Variants in GDAP1 observed in about 807,000 individuals in gnomAD.
GDAP1 encodes the protein ganglioside-induced differentiation-associated protein 1.
Under a neutral mutation model 40.1 loss-of-function variants are expected in GDAP1, and 34 were observed. That is an observed-to-expected ratio of 0.85 (90% CI 0.64 to 1.13). The LOEUF (loss-of-function observed/expected upper bound fraction) is 1.13. Among genes scored for constraint, GDAP1 ranks in the 50% most tolerant of loss-of-function variants. The probability of loss-of-function intolerance (pLI) is 0.00; values close to 1 mark genes in which losing one functional copy is unlikely to be tolerated. For synonymous variants in GDAP1, 170 were observed against 157.4 expected, an observed-to-expected ratio of 1.08 and a Z score of -0.60; for missense variants, 374 against 433.7, an observed-to-expected ratio of 0.86 and a Z score of 1.22.
chr8:74,431,513 G>C (rs1333597954), intron 2 of GDAP1, among the ~76,000 whole-genome samples: 1 of 151,424 alleles, frequency 6.6e-6, no homozygotes, highest in Non-Finnish European at 1.5e-5. Flanking sequence ...ACAGAGTCTC[G>C]CTCTGTCACC....
At chr8:74,384,974 TTTG>T (rs1586817181) in intron 2 of GDAP1, among the ~76,000 whole-genome samples, 2 of 152,140 alleles carry the variant, frequency 1.3e-5, no homozygotes, top group East Asian at 3.9e-4. Context: ...AGTTGAATGC[TTTG>T]CTAGCAAAGC....
chr8:74,469,718 G>A (rs1806522154), intron 2 of GDAP1, among the ~76,000 whole-genome samples: 1 of 150,636 alleles, frequency 6.6e-6, no homozygotes, highest in African/African-American at 2.4e-5. Context: ...GCTCATGCTT[G>A]TAATCCCAGC....
At chr8:74,354,386 C>T (rs576731784) in intron 2 of GDAP1, among the ~76,000 whole-genome samples, 4 of 152,112 alleles carry the variant, frequency 2.6e-5, no homozygotes, top group Admixed American at 6.5e-5. Context: ...ACAGGGATCC[C>T]TTGTAATGTT....
chr8:74,459,370 A>G (rs994106484), intron 2 of GDAP1, among the ~76,000 whole-genome samples: 1 of 152,196 alleles, frequency 6.6e-6, no homozygotes, highest in Non-Finnish European at 1.5e-5. Flanking sequence ...GCATCTCTCA[A>G]TCTTGAGTGT....
At position 74,364,107 on chromosome 8, in the gene GDAP1, C is replaced by T. The variant is rs150989205; in HGVS notation, c.817C>T (p.Arg273Ter). Residue 273 changes from arginine (R) to a stop codon, truncating the protein, a stop_gained, in exon 6 of 6, where the codon CGA becomes TGA. Coordinates refer to ENST00000220822, the MANE Select transcript of GDAP1 (RefSeq NM_018972.4). LOFTEE classifies it high-confidence loss of function. ...AAGGAGAAACTGGGGAAACGGAAAG[C>T]GACCAAACTTGGAAACCTATTACGA... is the stretch of plus-strand genomic sequence containing the variant. ...FARRNWGNGK[R>*]PNLETYYERV... 1.1e-5 allele frequency: 18 copies of T among 1,613,970 alleles called. No individual in the cohort carries two copies. The highest frequency in any genetic ancestry group is 2.7e-5 in the African/African-American group (2 of 74,864).
intron 2 of GDAP1, among the ~76,000 whole-genome samples, chr8:74,483,029 C>T (rs183828850): frequency 9.2e-5 from 14 of 152,194 alleles, no homozygotes; most frequent in African/African-American, 3.4e-4. Context: ...GCTGCAAGCC[C>T]TGGCAGCTTA....
chr8:74,400,943 C>A (rs1810320560), intron 2 of GDAP1, among the ~76,000 whole-genome samples: 2 of 149,952 alleles, frequency 1.3e-5, no homozygotes, highest in South Asian at 4.1e-4. Context: ...GATGGGCTTC[C>A]CTTTGTGGGT....
chr8:74,358,950 T>C (rs1419714614), intron 2 of GDAP1, among the ~76,000 whole-genome samples: 1 of 152,240 alleles, frequency 6.6e-6, no homozygotes, highest in Admixed American at 6.5e-5. Flanking sequence ...ATTGCAGATA[T>C]CTTAATATTT....
intron 2 of GDAP1, among the ~76,000 whole-genome samples, chr8:74,438,538 G>A (rs952893458): frequency 6.6e-6 from 1 of 152,192 alleles, no homozygotes; most frequent in Non-Finnish European, 1.5e-5. Flanking sequence ...TATATTGGAC[G>A]TAAGGCTTTC....
chr8:74,361,943 C>T lies in GDAP1; in HGVS notation c.544C>T (p.Gln182Ter), dbSNP rs779894269. 1.2e-6 allele frequency: 2 copies of T among 1,607,220 alleles called. No individual in the cohort carries two copies. The highest frequency in any genetic ancestry group is 1.3e-5 in the African/African-American group (1 of 74,876). Residue 182 changes from glutamine (Q) to a stop codon, truncating the protein, a stop_gained, in exon 4 of 6, where the codon CAA (glutamine) becomes TAA (stop). Coordinates refer to ENST00000220822, the MANE Select transcript of GDAP1 (RefSeq NM_018972.4). LOFTEE classifies it high-confidence loss of function. ...ACTTGCTGAAGAAAACCCAGATTTA[C>T]AAGAAGCATACATTGCAAAACAGAA... The part of the protein sequence containing the change: ...KKLAEENPDL[Q>*]EAYIAKQKRL...
chr8:74,374,824 C>G (rs1809823885), intron 2 of GDAP1, among the ~76,000 whole-genome samples: 1 of 151,930 alleles, frequency 6.6e-6, no homozygotes, highest in Admixed American at 6.6e-5. Flanking sequence ...AGCCATATAT[C>G]CACTAAACAA....
intron 2 of GDAP1, among the ~76,000 whole-genome samples, chr8:74,467,707 A>G (rs1267968964): frequency 6.6e-6 from 1 of 152,176 alleles, no homozygotes; most frequent in Non-Finnish European, 1.5e-5. Context: ...TGAATAGCCA[A>G]AGCAGGGTGT....
At chr8:74,483,216 A>C (rs1248901714) in intron 2 of GDAP1, among the ~76,000 whole-genome samples, 1 of 152,182 alleles carries the variant, frequency 6.6e-6, no homozygotes, top group African/African-American at 2.4e-5. Flanking sequence ...CTTGAGGAAT[A>C]GAAAGAGTTA....
intron 2 of GDAP1, among the ~76,000 whole-genome samples, chr8:74,415,705 T>C (rs762934930): frequency 6.7e-6 from 1 of 149,906 alleles, no homozygotes; most frequent in Non-Finnish European, 1.5e-5. Context: ...AGGGGTGTGC[T>C]CTGCATGCAC....
chr8:74,383,555 TG>T (rs1428988598), intron 2 of GDAP1, among the ~76,000 whole-genome samples: 4 of 152,206 alleles, frequency 2.6e-5, no homozygotes, highest in Non-Finnish European at 5.9e-5. Flanking sequence ...AATTTAAAAA[TG>T]TGTTTCTCTA....
At chr8:74,450,180 C>G (rs1056618689) in intron 2 of GDAP1, among the ~76,000 whole-genome samples, 1 of 150,256 alleles carries the variant, frequency 6.7e-6, no homozygotes, top group Non-Finnish European at 1.5e-5. Flanking sequence ...CCATTTAATT[C>G]CACTGTTGTT....
chr8:74,373,598 C>G lies in GDAP1; in HGVS notation c.165+22277C>G, dbSNP rs1284368076. ...TATAAGAATGCTTGTGATTTTTGCA[C>G]ATTGATTTTATATCCTCAGACTTTA... On this transcript the variant is annotated intron_variant, in intron 2 of 2. Transcript: ENST00000523640. Among the ~76,000 whole-genome samples, 3 of 152,308 alleles carry G rather than the reference C, an allele frequency of 2.0e-5. No individual in the cohort carries two copies. In the East Asian group the frequency reaches 5.8e-4, roughly 29 times the overall value.
At chr8:74,420,811 T>C (rs541880283) in intron 2 of GDAP1, among the ~76,000 whole-genome samples, 1 of 90,788 alleles carries the variant, frequency 1.1e-5, no homozygotes, top group Non-Finnish European at 3.0e-5. Context: ...GATTCCTGTA[T>C]TTTTTTTTTA....
intron 2 of GDAP1, among the ~76,000 whole-genome samples, chr8:74,411,180 CTG>C (rs1220123043): frequency 6.7e-6 from 1 of 150,102 alleles, no homozygotes; most frequent in Non-Finnish European, 1.5e-5. Flanking sequence ...CCATGCCGAA[CTG>C]TGAGTCAATT....
Sources: gnomAD v4.1 joint callset for allele counts (sites outside exome capture counted in the v4.1 genomes callset) on GRCh38, gnomAD v4.1.1 for gene constraint, MANE v1.5 for transcripts, NCBI Gene and HGNC (gene_info 2026-07-23, HGNC 2026-07-21) for gene names.